The following ADAMTS2 variants were observed in gnomAD, a reference collection of about 807,000 sequenced individuals.
The protein encoded by ADAMTS2 is A disintegrin and metalloproteinase with thrombospondin motifs 2.
In ADAMTS2, 50 loss-of-function variants were observed where a neutral mutation model predicts 123.0. The ratio of observed to expected loss-of-function variants is 0.41; its 90% CI spans 0.32 to 0.51. ADAMTS2 has a LOEUF of 0.51. Among genes scored for constraint, ADAMTS2 ranks in the 20% least tolerant of loss-of-function variants. ADAMTS2 has a pLI of 0.35. For synonymous variants in ADAMTS2, 678 were observed against 695.4 expected (o/e 0.98, Z 0.39); for missense variants, 1,494 against 1,705.2 (o/e 0.88, Z 2.18).
chr5:179,150,367 C>T (rs576181012), intron 10 of ADAMTS2, among the ~76,000 whole-genome samples: 2 of 152,370 alleles, frequency 1.3e-5, no homozygotes, highest in African/African-American at 4.8e-5. Context: ...ACTGGGCCCC[C>T]AGCAACTTAC....
chr5:179,342,548 G>A (rs1042182486), intron 2 of ADAMTS2, among the ~76,000 whole-genome samples: 8 of 152,288 alleles, frequency 5.3e-5, no homozygotes, highest in Non-Finnish European at 7.3e-5. Flanking sequence ...GAGCCCTGGT[G>A]TAATTGCCGG....
intron 10 of ADAMTS2, among the ~76,000 whole-genome samples, chr5:179,150,469 C>T (rs930384316): frequency 6.6e-6 from 1 of 152,242 alleles, no homozygotes; most frequent in Non-Finnish European, 1.5e-5. Flanking sequence ...ACCTTATACA[C>T]AAATGTTCAC....
chr5:179,212,863 TC>T (rs1764893575), intron 3 of ADAMTS2, among the ~76,000 whole-genome samples: 1 of 152,026 alleles, frequency 6.6e-6, no homozygotes, highest in Non-Finnish European at 1.5e-5. Context: ...GTGTTCGCTG[TC>T]CCCTGTGCGA....
At chr5:179,134,795 AGCCCCCAGCTCC>A (rs1763026402) in intron 13 of ADAMTS2, among the ~76,000 whole-genome samples, 1 of 26,350 alleles carries the variant, frequency 3.8e-5, no homozygotes, top group African/African-American at 1.7e-4. Context: ...TCCCGGCTCC[AGCCCCCAGCTCC>A]CGGCTCCAGC....
intron 2 of ADAMTS2, among the ~76,000 whole-genome samples, chr5:179,290,332 G>A (rs1038511924): frequency 1.2e-4 from 18 of 152,116 alleles, no homozygotes; most frequent in Admixed American, 8.5e-4. Flanking sequence ...TCTCCACCAC[G>A]TTATGACACA....
Position 179,132,317 on chromosome 5 carries a change from T to C in ADAMTS2, c.2210-7A>G. On this transcript the variant is annotated splice_region_variant and splice_polypyrimidine_tract_variant and intron_variant, in intron 14 of 21. Transcript: ENST00000251582. This position sits in a 1 kb window ranked among gnomAD's most constrained non-coding sequence, Gnocchi z 6.1. ...TCAAACATCTTGATGTAACCTTTTT[T>C]TGATGTGGAAAGACACAGAAAACTG... 1 of 1,613,926 alleles carries C rather than the reference T, an allele frequency of 6.2e-7. No homozygotes were observed.
chr5:179,244,848 C>T (rs1386359307), intron 3 of ADAMTS2, among the ~76,000 whole-genome samples: 1 of 152,146 alleles, frequency 6.6e-6, no homozygotes, highest in African/African-American at 2.4e-5. Context: ...GGAAGGCAAA[C>T]TGTTGATATA....
At chr5:179,333,381 C>T (rs1032952161) in intron 2 of ADAMTS2, among the ~76,000 whole-genome samples, 2 of 152,196 alleles carry the variant, frequency 1.3e-5, no homozygotes, top group African/African-American at 2.4e-5. Context: ...AGTGAGCACC[C>T]GTCATGCTGT....
intron 4 of ADAMTS2, among the ~76,000 whole-genome samples, chr5:179,194,237 G>C (rs998015476): frequency 2.0e-5 from 3 of 152,082 alleles, no homozygotes; most frequent in African/African-American, 7.2e-5. Context: ...TCAGGAGGAA[G>C]CAGAGGTGAG....
chr5:179,161,020 TGAACATA>T, intron 5 of ADAMTS2, among the ~76,000 whole-genome samples: 1 of 152,300 alleles, frequency 6.6e-6, no homozygotes, highest in Middle Eastern at 3.4e-3. Flanking sequence ...CAACCCACAT[TGAACATA>T]CAGCGTGAGC....
chr5:179,222,953 C>A (rs991386572), intron 3 of ADAMTS2, among the ~76,000 whole-genome samples: 2 of 152,208 alleles, frequency 1.3e-5, no homozygotes, highest in Admixed American at 6.5e-5. Flanking sequence ...GCAACCCCTC[C>A]CCCTGCTTCC....
intron 10 of ADAMTS2, among the ~76,000 whole-genome samples, chr5:179,142,194 C>T: frequency 6.6e-6 from 1 of 152,150 alleles, no homozygotes; most frequent in East Asian, 1.9e-4. Flanking sequence ...CAACAAGGGT[C>T]TTAGCAGTGA....
At chr5:179,300,613 C>CTT (rs1756489006) in intron 2 of ADAMTS2, among the ~76,000 whole-genome samples, 1 of 152,184 alleles carries the variant, frequency 6.6e-6, no homozygotes, top group Non-Finnish European at 1.5e-5. Flanking sequence ...CCCCCCTTCA[C>CTT]TTCTGTGGCT....
intron 2 of ADAMTS2, among the ~76,000 whole-genome samples, chr5:179,300,317 G>C (rs1196437722): frequency 6.6e-6 from 1 of 151,978 alleles, no homozygotes; most frequent in Non-Finnish European, 1.5e-5. Context: ...CAAAAGGGTA[G>C]GATTTCATGG....
At chr5:179,269,443 C>T (rs2113506576) in intron 3 of ADAMTS2, among the ~76,000 whole-genome samples, 1 of 152,292 alleles carries the variant, frequency 6.6e-6, no homozygotes, top group East Asian at 1.9e-4. Context: ...GCACGTCTCA[C>T]ATGGCAGCAG....
chr5:179,217,747 AG>A (rs1305908709), intron 3 of ADAMTS2, among the ~76,000 whole-genome samples: 3 of 143,474 alleles, frequency 2.1e-5, no homozygotes, highest in African/African-American at 8.8e-5. Flanking sequence ...CACACTTGCT[AG>A]GGGATGGTGT....
intron 3 of ADAMTS2, among the ~76,000 whole-genome samples, chr5:179,209,721 G>C (rs1414330451): frequency 1.3e-5 from 2 of 152,238 alleles, no homozygotes; most frequent in Non-Finnish European, 2.9e-5. Flanking sequence ...GGATGACTCA[G>C]GGCCATCCAT....
chr5:179,207,471 A>ACCCAGCCCC lies in ADAMTS2; in HGVS notation c.891+41_891+42insGGGGCTGGG. 3.9e-5 allele frequency: 40 copies of ACCCAGCCCC among 1,026,456 alleles called. 1 individual carries two copies. The highest frequency in any genetic ancestry group is 1.3e-4 in the East Asian group (5 of 39,902). The allele number at this position is 1,026,456 out of a possible 1,614,324, so 63.6% of individuals were successfully genotyped here. On this transcript the variant is annotated intron_variant, in intron 4 of 21. Transcript: ENST00000251582. ...CTCTGGCCTGCCCAGCCCCTGGTTG[A>ACCCAGCCCC]CCCTCCCCGCCCCACCCTGCCCCCT...
intron 3 of ADAMTS2, among the ~76,000 whole-genome samples, chr5:179,241,693 A>G (rs1023162035): frequency 4.6e-5 from 7 of 152,230 alleles, no homozygotes; most frequent in Non-Finnish European, 1.0e-4. Flanking sequence ...TCACTTTTTC[A>G]GGAAGTGACC....
Sources: allele counts gnomAD v4.1 joint callset (sites outside exome capture counted in the v4.1 genomes callset), GRCh38; gene constraint gnomAD v4.1.1; non-coding constraint Gnocchi (gnomAD v3.1); transcripts MANE v1.5; gene names NCBI Gene and HGNC (gene_info 2026-07-23, HGNC 2026-07-21).